The following PPARGC1A variants were observed in gnomAD, a reference collection of about 807,000 sequenced individuals.
PPARGC1A encodes the protein peroxisome proliferator-activated receptor gamma coactivator 1-alpha.
In PPARGC1A, 25 loss-of-function variants were observed where a neutral mutation model predicts 88.7. That is an observed-to-expected ratio of 0.28 (90% CI 0.21 to 0.39). PPARGC1A has a LOEUF of 0.39. Among genes scored for constraint, PPARGC1A ranks in the 10% least tolerant of loss-of-function variants. The pLI, the probability that PPARGC1A is intolerant of heterozygous loss-of-function variation, is 1.00. For missense variants in PPARGC1A, 880 were observed against 968.7 expected (o/e 0.91, Z 1.22); for synonymous variants, 363 against 355.6 (o/e 1.02, Z -0.24).
the PPARGC1A span, among the ~76,000 whole-genome samples, chr4:23,985,226 C>T: frequency 6.6e-6 from 1 of 152,040 alleles, no homozygotes; most frequent in Non-Finnish European, 1.5e-5. Flanking sequence ...TACAAGGACA[C>T]ACACTCCATT....
At chr4:24,175,265 T>C in the PPARGC1A span, among the ~76,000 whole-genome samples, 32 of 152,140 alleles carry the variant, frequency 2.1e-4, no homozygotes, top group South Asian at 4.8e-3. Flanking sequence ...GGAGGCATGA[T>C]GGCCCATCCC....
chr4:24,098,151 A>G, the PPARGC1A span, among the ~76,000 whole-genome samples: 1 of 152,226 alleles, frequency 6.6e-6, no homozygotes, highest in Non-Finnish European at 1.5e-5. Flanking sequence ...AAAAACCTAT[A>G]CAGATTCTGT....
chr4:23,873,333 T>C (rs1373646270), intron 2 of PPARGC1A, among the ~76,000 whole-genome samples: 2 of 152,148 alleles, frequency 1.3e-5, no homozygotes, highest in Non-Finnish European at 2.9e-5. Flanking sequence ...ACTGAAGTAC[T>C]ATCTCAAGGT....
the PPARGC1A span, among the ~76,000 whole-genome samples, chr4:23,969,719 T>A: frequency 1.3e-5 from 2 of 152,166 alleles, no homozygotes; most frequent in Non-Finnish European, 2.9e-5. Context: ...GTCCTAGACC[T>A]CTGGACATTC....
chr4:24,173,483 G>T, the PPARGC1A span, among the ~76,000 whole-genome samples: 1 of 152,110 alleles, frequency 6.6e-6, no homozygotes, highest in African/African-American at 2.4e-5. Context: ...AATCACTGGA[G>T]CCCAAAAGTT....
the PPARGC1A span, among the ~76,000 whole-genome samples, chr4:24,081,743 A>T: frequency 6.8e-6 from 1 of 146,436 alleles, no homozygotes; most frequent in South Asian, 2.2e-4. Flanking sequence ...TAAGAACACA[A>T]TTTTTTTTTT....
chr4:24,097,663 A>C, the PPARGC1A span, among the ~76,000 whole-genome samples: 14 of 152,230 alleles, frequency 9.2e-5, no homozygotes, highest in Non-Finnish European at 1.6e-4. Context: ...TAAAACAAAT[A>C]GATCCAAAAA....
chr4:23,953,816 C>G, the PPARGC1A span, among the ~76,000 whole-genome samples: 178 of 151,976 alleles, frequency 1.2e-3, no homozygotes, highest in African/African-American at 4.0e-3. Context: ...AGATATGTGC[C>G]AAGAAGAAAA....
the PPARGC1A span, among the ~76,000 whole-genome samples, chr4:24,099,944 G>C: frequency 1.4e-5 from 2 of 142,502 alleles, no homozygotes; most frequent in Non-Finnish European, 3.0e-5. Flanking sequence ...GCACAGGAAG[G>C]GGAACATCAC....
chr4:24,215,247 T>G, the PPARGC1A span, among the ~76,000 whole-genome samples: 1 of 152,182 alleles, frequency 6.6e-6, no homozygotes, highest in African/African-American at 2.4e-5. Context: ...TGTCAGCCCA[T>G]ACTTCACACA....
the PPARGC1A span, among the ~76,000 whole-genome samples, chr4:24,338,794 GA>G: frequency 6.5e-4 from 97 of 150,150 alleles, no homozygotes; most frequent in African/African-American, 1.9e-3. Flanking sequence ...CACAAAGCTT[GA>G]AAAAAAAATG....
chr4:24,471,197 G>T, the PPARGC1A span, among the ~76,000 whole-genome samples: 4 of 151,870 alleles, frequency 2.6e-5, no homozygotes, highest in East Asian at 7.9e-4. The surrounding 1 kb of genome is among the most constrained non-coding windows in gnomAD (Gnocchi z 5.4). Flanking sequence ...CGCGCTCCGC[G>T]GGGCCCGGGA....
the PPARGC1A span, among the ~76,000 whole-genome samples, chr4:24,249,351 T>C: frequency 6.6e-6 from 1 of 152,132 alleles, no homozygotes; most frequent in Non-Finnish European, 1.5e-5. Context: ...ACCAGAAGGT[T>C]TAACCAATCC....
intron 2 of PPARGC1A, among the ~76,000 whole-genome samples, chr4:23,856,994 C>T (rs1418055128): frequency 6.6e-6 from 1 of 152,108 alleles, no homozygotes. Context: ...CAATTAAGTG[C>T]AAGCATTGAA....
At chr4:24,287,229 A>G in the PPARGC1A span, among the ~76,000 whole-genome samples, 6,407 of 151,864 alleles carry the variant, frequency 0.042, 279 homozygotes, top group East Asian at 0.19. Context: ...ATGTATCCAG[A>G]CATTGCCAAA....
At chr4:24,027,103 T>C in the PPARGC1A span, among the ~76,000 whole-genome samples, 1 of 152,118 alleles carries the variant, frequency 6.6e-6, no homozygotes, top group South Asian at 2.1e-4. Flanking sequence ...GAGGCTCTAA[T>C]ATCCCCTTAT....
At chr4:23,939,191 C>T in the PPARGC1A span, among the ~76,000 whole-genome samples, 1 of 152,110 alleles carries the variant, frequency 6.6e-6, no homozygotes, top group Non-Finnish European at 1.5e-5. Context: ...ATGGTAGCAA[C>T]CTCCTGTGCA....
At chr4:24,192,300 T>C in the PPARGC1A span, among the ~76,000 whole-genome samples, 1 of 152,182 alleles carries the variant, frequency 6.6e-6, no homozygotes, top group Admixed American at 6.5e-5. Context: ...AACAATCCCT[T>C]TCTCAAGGGT....
At chr4:24,229,831 G>GA in the PPARGC1A span, among the ~76,000 whole-genome samples, 13 of 104,386 alleles carry the variant, frequency 1.2e-4, no homozygotes, top group South Asian at 4.4e-3. Context: ...GGCAACAAGA[G>GA]AAAAACTGTC....
Sources: allele counts gnomAD v4.1 joint callset (sites outside exome capture counted in the v4.1 genomes callset), GRCh38; gene constraint gnomAD v4.1.1; non-coding constraint Gnocchi (gnomAD v3.1); transcripts MANE v1.5; gene names NCBI Gene and HGNC (gene_info 2026-07-23, HGNC 2026-07-21).